LITAF: variants seen among roughly 807,000 people sequenced by gnomAD.
The protein encoded by LITAF is lipopolysaccharide-induced tumor necrosis factor-alpha factor.
A neutral mutation model predicts 14.5 loss-of-function variants in LITAF; 9 were observed. The observed-to-expected ratio is 0.62, with a 90% confidence interval of 0.37 to 1.08. The LOEUF (loss-of-function observed/expected upper bound fraction) is 1.08, where lower values mean the gene tolerates loss of function less well. LITAF is among the 50% of genes least tolerant of loss of function. LITAF has a pLI of 0.01. For synonymous variants in LITAF, 98 were observed against 88.2 expected (o/e 1.11, Z -0.62); for missense variants, 206 against 213.4 (o/e 0.97, Z 0.22).
In LITAF at chr16:11,626,193, A is replaced by C. The variant is rs532164623; in HGVS notation, c.85+7340T>G. Among the ~76,000 whole-genome samples, 536 of 152,236 alleles carry C rather than the reference A, an allele frequency of 3.5e-3. 3 individuals are homozygous for C. Among genetic ancestry groups the C allele is most frequent in the Non-Finnish European group, 4.9e-3 (332 of 68,002 alleles). ...AAAAAACAAAACGAACAAAAAAAAA[A>C]ACTTCTTTTTATACAGTGAGTCAGA... is the stretch of plus-strand genomic sequence containing the variant. On this transcript the variant is annotated intron_variant, in intron 3 of 3. Coordinates refer to the LITAF transcript ENST00000574848.
Position 11,547,783 on chromosome 16 carries a change from A to G in LITAF, c.*1854T>C, listed in dbSNP as rs531394893. On this transcript the variant is annotated 3_prime_UTR_variant, in exon 4 of 4. Transcript: ENST00000622633. ...TGGCTTGCCGCCATCAATGACGCCT[A>G]TTGGGTTCCAATAGCCTCATGTTCA... 1 of 454,146 alleles carries G rather than the reference A, an allele frequency of 2.2e-6. No homozygotes were observed. Among genetic ancestry groups the G allele is most frequent in the East Asian group, 6.9e-5 (1 of 14,402 alleles). The allele number at this position is 454,146 out of a possible 1,614,324, so 28.1% of individuals were successfully genotyped here.
Position 11,605,212 on chromosome 16 carries a change from G to A in LITAF, c.85+28321C>T, listed in dbSNP as rs1475529547. 6.6e-6 allele frequency among the ~76,000 whole-genome samples: 1 copy of A among 152,200 alleles called. No homozygotes were observed. The highest frequency in any genetic ancestry group is 1.5e-5 in the Non-Finnish European group (1 of 68,036). On this transcript the variant is annotated intron_variant, in intron 3 of 3. Transcript: ENST00000574848. The surrounding 1 kb of genome is among the most constrained non-coding windows in gnomAD (Gnocchi z 4.7). Reference sequence around the variant, plus strand: ...TCCCCCCAGCCAGCTCTGGATGGAGGATGAGCTGAATTACGCACCGTGGAC... The same window carrying A: ...TCCCCCCAGCCAGCTCTGGATGGAGAATGAGCTGAATTACGCACCGTGGAC...
intron 3 of LITAF, among the ~76,000 whole-genome samples, chr16:11,608,218 A>G (rs887139589): frequency 7.2e-5 from 11 of 152,210 alleles, no homozygotes; most frequent in Non-Finnish European, 4.4e-5. Flanking sequence ...GTGGCCCAAG[A>G]TCACACCGCA....
At chr16:11,578,929 C>T (rs1445162991) in intron 1 of LITAF, among the ~76,000 whole-genome samples, 1 of 152,242 alleles carries the variant, frequency 6.6e-6, no homozygotes, top group African/African-American at 2.4e-5. Flanking sequence ...TGGCTCATGC[C>T]TATAATCCCA....
At chr16:11,595,153 C>T (rs1169568154) in intron 1 of LITAF, among the ~76,000 whole-genome samples, 1 of 152,168 alleles carries the variant, frequency 6.6e-6, no homozygotes, top group Non-Finnish European at 1.5e-5. Context: ...AACACCTTTC[C>T]ATTTCTAAAA....
At chr16:11,588,585 A>G (rs957021908), upstream of LITAF, among the ~76,000 whole-genome samples, 5 of 147,260 alleles carry the variant, frequency 3.4e-5, no homozygotes, top group Non-Finnish European at 6.1e-5. Context: ...AAAGAGAAGG[A>G]AAGAAGGAAG....
In LITAF at chr16:11,553,847, C is replaced by A; in HGVS notation, c.221-158G>T. On this transcript the variant is annotated intron_variant, in intron 2 of 3. Transcript: ENST00000622633. This position sits in a 1 kb window ranked among gnomAD's most constrained non-coding sequence, Gnocchi z 7.7. The stretch of plus-strand genomic sequence containing the variant: ...TCATCGTCTGGCTATCTATGAGAGC[C>A]AAAAGGGGAAGGAACACCAGTGTCC... 2.5e-6 allele frequency: 2 copies of A among 787,146 alleles called. No homozygotes were observed. Among genetic ancestry groups the A allele is most frequent in the Non-Finnish European group, 4.1e-6 (2 of 482,712 alleles). 48.8% of individuals were successfully genotyped at this position (787,146 alleles called of 1,614,324 possible). A position where few individuals can be genotyped will look rare whatever the true frequency, so the allele number is the denominator to read the frequency against.
chr16:11,588,846 A>G (rs534300308), upstream of LITAF, among the ~76,000 whole-genome samples: 42 of 148,824 alleles, frequency 2.8e-4, no homozygotes, highest in South Asian at 6.6e-3. Context: ...CTCCCTCCCA[A>G]CCTTTTCTCC....
Position 11,605,478 on chromosome 16 carries a change from T to A in LITAF, c.85+28055A>T, listed in dbSNP as rs1439212384. ...GGACCCCTTCCCAGCCCCGTGTCTC[T>A]CTTTACAGCCCAGAGCCGCACAGGA... On this transcript the variant is annotated intron_variant, in intron 3 of 3. Transcript: ENST00000574848. The surrounding 1 kb of genome is among the most constrained non-coding windows in gnomAD (Gnocchi z 4.7). Among the ~76,000 whole-genome samples the A allele has an allele frequency of 6.6e-6, 1 of 151,866 alleles. No individual in the cohort carries two copies. The highest frequency in any genetic ancestry group is 2.4e-5 in the African/African-American group (1 of 41,310).
intron 1 of LITAF, among the ~76,000 whole-genome samples, chr16:11,583,945 G>A (rs1202620692): frequency 6.6e-6 from 1 of 152,142 alleles, no homozygotes; most frequent in Non-Finnish European, 1.5e-5. Context: ...ATAACCTGCA[G>A]CCAAGGGACA....
chr16:11,609,208 A>T (rs1267455615), intron 3 of LITAF, among the ~76,000 whole-genome samples: 1 of 149,082 alleles, frequency 6.7e-6, no homozygotes, highest in East Asian at 2.0e-4. Flanking sequence ...TGAATAGTAG[A>T]CTTTTTTTTT....
At chr16:11,591,543 G>C (rs1015930328), upstream of LITAF, among the ~76,000 whole-genome samples, 3 of 150,674 alleles carry the variant, frequency 2.0e-5, no homozygotes, top group African/African-American at 7.4e-5. Context: ...ATGTGGTTCT[G>C]GCATAAGAAT....
upstream of LITAF, among the ~76,000 whole-genome samples, chr16:11,591,648 C>CT (rs948686478): frequency 9.1e-4 from 136 of 149,808 alleles, no homozygotes; most frequent in Admixed American, 1.3e-3. Flanking sequence ...GAGAAAGAGT[C>CT]TTTTTTTTTT....
chr16:11,559,578 A>G (rs2064326478), intron 1 of LITAF, among the ~76,000 whole-genome samples: 1 of 152,108 alleles, frequency 6.6e-6, no homozygotes, highest in South Asian at 2.1e-4. Flanking sequence ...AGTAGGAAAA[A>G]ATGAATGTAA....
At position 11,548,600 on chromosome 16, in the gene LITAF, T is replaced by C. The variant is rs1001226446; in HGVS notation, c.*1037A>G. On this transcript the variant is annotated 3_prime_UTR_variant, in exon 4 of 4. Coordinates refer to ENST00000622633, the MANE Select transcript of LITAF (RefSeq NM_001136472.2). ...TCCATTTCTTTTTCTTTTTTTTTTT[T>C]TTAAGTGAGACTACATTGGCAAATG... 22 of 446,508 alleles carry C rather than the reference T, an allele frequency of 4.9e-5. No homozygotes were observed. The highest frequency in any genetic ancestry group is 4.5e-4 in the African/African-American group (22 of 49,344). The allele number at this position is 446,508 out of a possible 1,614,324, so 27.7% of individuals were successfully genotyped here. A position where few individuals can be genotyped will look rare whatever the true frequency, so the allele number is the denominator to read the frequency against.
chr16:11,570,359 C>T (rs1010987341), intron 1 of LITAF, among the ~76,000 whole-genome samples: 13 of 152,086 alleles, frequency 8.5e-5, no homozygotes, highest in Admixed American at 7.9e-4. Flanking sequence ...CACAGTCACA[C>T]GGGGGCTTCA....
upstream of LITAF, among the ~76,000 whole-genome samples, chr16:11,639,627 AAAAAG>A (rs1187312447): frequency 2.6e-5 from 4 of 151,260 alleles, no homozygotes; most frequent in Non-Finnish European, 5.9e-5. Context: ...TTTAAAAAAA[AAAAAG>A]AAAAAAGAAT....
At chr16:11,636,099 C>T (rs575500377) in intron 1 of LITAF, 48 of 152,324 alleles carry the variant, frequency 3.2e-4, no homozygotes, top group African/African-American at 1.1e-3. Context: ...GCTCTGAGCT[C>T]CATCCCAAGC....
chr16:11,614,298 C>CTTTTTTTTTT (rs34958536), intron 3 of LITAF, among the ~76,000 whole-genome samples: 1 of 134,940 alleles, frequency 7.4e-6, no homozygotes, highest in African/African-American at 2.8e-5. Context: ...TTTTTCTTTT[C>CTTTTTTTTTT]TTTTTTTTTT....
Sources: gnomAD v4.1 joint callset for allele counts (sites outside exome capture counted in the v4.1 genomes callset) on GRCh38, gnomAD v4.1.1 for gene constraint, Gnocchi (gnomAD v3.1) non-coding constraint, MANE v1.5 for transcripts, NCBI Gene and HGNC (gene_info 2026-07-23, HGNC 2026-07-21) for gene names.